Variants in MEOX2 observed in about 807,000 individuals in gnomAD.
MEOX2 encodes the protein homeobox protein MOX-2.
In MEOX2, 11 loss-of-function variants were observed where a neutral mutation model predicts 27.0. The ratio of observed to expected loss-of-function variants is 0.41; its 90% CI spans 0.26 to 0.68. MEOX2 has a LOEUF of 0.68. Ranked by LOEUF, MEOX2 falls within the 30% of genes least tolerant of loss-of-function variation. The pLI is 0.33. For missense variants in MEOX2, 436 were observed against 385.4 expected (o/e 1.13, Z -1.10); for synonymous variants, 189 against 155.4 (o/e 1.22, Z -1.61).
chr7:15,636,102 T>TA (rs944497566), intron 1 of MEOX2, among the ~76,000 whole-genome samples: 9 of 151,972 alleles, frequency 5.9e-5, no homozygotes, highest in East Asian at 1.9e-4. Context: ...GTTAAAGTAT[T>TA]AAAAAAAGTT....
At chr7:15,672,667 C>T (rs916507333) in intron 1 of MEOX2, among the ~76,000 whole-genome samples, 2 of 151,818 alleles carry the variant, frequency 1.3e-5, no homozygotes, top group Non-Finnish European at 2.9e-5. Context: ...CCAAGGTGGG[C>T]GGATCATGAG....
In MEOX2 at chr7:15,685,987, G is replaced by T. The variant is rs1464677938; in HGVS notation, c.416C>A (p.Pro139Gln). The change falls in exon 1 of 3, where the codon CCG becomes CAG. Residue 139 changes from proline (P) to glutamine (Q), a missense_variant. Pro to Gln is a moderately conservative substitution (Grantham distance 76). Coordinates refer to ENST00000262041, the MANE Select transcript of MEOX2 (RefSeq NM_005924.5). ...CCCCGGCGCGCACGCGGCCCCAGTCGGGGTGCTGGAGCCCAAGCTGGAAGA... is the reference window on the plus strand; with the variant it reads ...CCCCGGCGCGCACGCGGCCCCAGTCTGGGTGCTGGAGCCCAAGCTGGAAGA... Reference protein sequence around the residue: ...SNSSSLGSSTPTGAACAPGDY... With the variant: ...SNSSSLGSSTQTGAACAPGDY... 6.2e-7 allele frequency: 1 copy of T among 1,610,016 alleles called. No individual in the cohort carries two copies.
intron 1 of MEOX2, among the ~76,000 whole-genome samples, chr7:15,634,896 C>T (rs1394185495): frequency 6.6e-6 from 1 of 151,922 alleles, no homozygotes; most frequent in Admixed American, 6.6e-5. Flanking sequence ...AGTAAAATGA[C>T]ACATATGGCA....
chr7:15,685,355 A>T (rs1782361317), intron 1 of MEOX2, among the ~76,000 whole-genome samples: 1 of 150,210 alleles, frequency 6.7e-6, no homozygotes, highest in Non-Finnish European at 1.5e-5. Flanking sequence ...AAGAATGTTA[A>T]AAAAAAAAAA....
intron 1 of MEOX2, chr7:15,675,895 C>T (rs898503251): frequency 2.0e-5 from 3 of 152,196 alleles, no homozygotes; most frequent in African/African-American, 7.2e-5. Context: ...CAGAGAAACA[C>T]TCTCTGTTCC....
intron 1 of MEOX2, among the ~76,000 whole-genome samples, chr7:15,636,284 T>C (rs1781477558): frequency 6.6e-6 from 1 of 151,990 alleles, no homozygotes; most frequent in Non-Finnish European, 1.5e-5. Context: ...AGATATTTTT[T>C]CTGAAATAAT....
intron 1 of MEOX2, among the ~76,000 whole-genome samples, chr7:15,638,557 T>C (rs1781517455): frequency 6.6e-6 from 1 of 152,118 alleles, no homozygotes; most frequent in Non-Finnish European, 1.5e-5. Context: ...GTATATTGCA[T>C]AATCGTAAGG....
At chr7:15,669,726 G>C (rs1366153402) in intron 1 of MEOX2, among the ~76,000 whole-genome samples, 1 of 152,154 alleles carries the variant, frequency 6.6e-6, no homozygotes, top group African/African-American at 2.4e-5. Context: ...TCTAATGCCA[G>C]GATGAATACT....
chr7:15,686,011 G>T lies in MEOX2; in HGVS notation c.392C>A (p.Ser131Tyr). Reference sequence around the variant, plus strand: ...CGGGGTGCTGGAGCCCAAGCTGGAAGAGTTGGAGCACAGGACGGGCGGGCT... The same window carrying T: ...CGGGGTGCTGGAGCCCAAGCTGGAATAGTTGGAGCACAGGACGGGCGGGCT... Reference protein sequence around the residue: ...GSSPPVLCSNSSSLGSSTPTG... With the variant: ...GSSPPVLCSNYSSLGSSTPTG... Residue 131 changes from serine (S) to tyrosine (Y), a missense_variant, in exon 1 of 3, where the codon TCT becomes TAT. Physicochemically the swap from Ser to Tyr is moderately radical, Grantham distance 144. Transcript: ENST00000262041. The T allele has an allele frequency of 1.2e-6, 2 of 1,608,704 alleles. No individual in the cohort carries two copies. The highest frequency in any genetic ancestry group is 1.7e-6 in the Non-Finnish European group (2 of 1,179,774).
In MEOX2 at chr7:15,612,557, G is replaced by A; in HGVS notation, c.745C>T (p.Gln249Ter). ...RMKWKRVKGG[Q>*]QGAAAREKEL... ...TTTTCCCGAGCCGCAGCTCCTTGCT[G>A]TCCACCCTTTACCCTCTTCCACTTC... The change falls in exon 3 of 3, where the codon CAG (glutamine) becomes TAG (stop). Residue 249 changes from glutamine to a stop codon, truncating the protein, a stop_gained. Transcript: ENST00000262041. LOFTEE classifies it high-confidence loss of function. 1 of 1,614,082 alleles carries A rather than the reference G, an allele frequency of 6.2e-7. No homozygotes were observed. The highest frequency in any genetic ancestry group is 8.5e-7 in the Non-Finnish European group (1 of 1,180,014).
intron 1 of MEOX2, among the ~76,000 whole-genome samples, chr7:15,633,231 G>T (rs947478203): frequency 6.6e-6 from 1 of 151,822 alleles, no homozygotes; most frequent in Non-Finnish European, 1.5e-5. Flanking sequence ...TTTAATACAC[G>T]CAGAAGCAAT....
chr7:15,682,048 T>C (rs915540963), intron 1 of MEOX2: 3 of 151,864 alleles, frequency 2.0e-5, no homozygotes, highest in African/African-American at 7.2e-5. Flanking sequence ...TGTAGGTCAA[T>C]GATACTTAGA....
intron 2 of MEOX2, among the ~76,000 whole-genome samples, chr7:15,625,396 T>C (rs916977122): frequency 6.6e-6 from 1 of 152,214 alleles, no homozygotes; most frequent in Non-Finnish European, 1.5e-5. Flanking sequence ...GTACTAGTCA[T>C]AATATGTAAT....
At chr7:15,643,990 C>A (rs933267847) in intron 1 of MEOX2, among the ~76,000 whole-genome samples, 1 of 152,132 alleles carries the variant, frequency 6.6e-6, no homozygotes, top group Non-Finnish European at 1.5e-5. Context: ...GTCAGGCAGG[C>A]AGTCTTGGTT....
chr7:15,679,808 T>C (rs1293634587), intron 1 of MEOX2: 1 of 152,012 alleles, frequency 6.6e-6, no homozygotes, highest in Non-Finnish European at 1.5e-5. Flanking sequence ...AGGGTTTTTC[T>C]ATCTTTCATA....
intron 2 of MEOX2, 119 bp downstream of exon 2, chr7:15,626,627 A>G: frequency 1.5e-6 from 1 of 666,636 alleles, no homozygotes; most frequent in Non-Finnish European, 2.5e-6. Context: ...ATGGAATAGT[A>G]TAACTGTCTT....
rs761000362 is a variant in MEOX2, at chr7:15,686,113, A to C, written c.290T>G (p.Met97Arg). ...ALQTNWHLPQ[M>R]SSPPSAARHS... ...CCGAGCCGCACTCGGTGGGGAAGAC[A>C]TCTGCGGGAGGTGCCAGTTGGTTTG... Residue 97 changes from methionine to arginine, a missense_variant, in exon 1 of 3, where the codon ATG becomes AGG. Physicochemically the swap from Met to Arg is moderately conservative, Grantham distance 91. Transcript: ENST00000262041. 1 of 1,583,112 alleles carries C rather than the reference A, an allele frequency of 6.3e-7. No individual in the cohort carries two copies. Among genetic ancestry groups the C allele is most frequent in the South Asian group, 1.1e-5 (1 of 88,358 alleles).
intron 2 of MEOX2, among the ~76,000 whole-genome samples, chr7:15,620,912 C>T (rs188847623): frequency 2.6e-5 from 4 of 152,034 alleles, no homozygotes; most frequent in Admixed American, 2.6e-4. Flanking sequence ...AAAGGATCTC[C>T]CATTCTGTCT....
intron 1 of MEOX2, among the ~76,000 whole-genome samples, chr7:15,683,354 T>C (rs929727851): frequency 6.6e-6 from 1 of 152,032 alleles, no homozygotes; most frequent in Non-Finnish European, 1.5e-5. Context: ...CCTAACAAAA[T>C]ACAAATGATC....
Sources: allele counts gnomAD v4.1 joint callset (sites outside exome capture counted in the v4.1 genomes callset), GRCh38; gene constraint gnomAD v4.1.1; transcripts MANE v1.5; gene names NCBI Gene and HGNC (gene_info 2026-07-23, HGNC 2026-07-21).